TMEM63C: variants seen among roughly 807,000 people sequenced by gnomAD.
TMEM63C encodes osmosensitive cation channel TMEM63C.
Under a neutral mutation model 99.2 loss-of-function variants are expected in TMEM63C, and 32 were observed. That is an observed-to-expected ratio of 0.32 (90% CI 0.24 to 0.43). The LOEUF (loss-of-function observed/expected upper bound fraction) is 0.43. Ranked by LOEUF, TMEM63C falls within the 20% of genes least tolerant of loss-of-function variation. The pLI, the probability that TMEM63C is intolerant of heterozygous loss-of-function variation, is 1.00. For missense variants in TMEM63C, 826 were observed against 1,053.0 expected, an observed-to-expected ratio of 0.78 and a Z score of 2.98; for synonymous variants, 376 against 397.9, an observed-to-expected ratio of 0.94 and a Z score of 0.66.
chr14:77,245,611 G>T (rs1889257387), intron 16 of TMEM63C, among the ~76,000 whole-genome samples: 1 of 152,194 alleles, frequency 6.6e-6, no homozygotes, highest in Non-Finnish European at 1.5e-5. Context: ...ATGGTGGCAG[G>T]CAAGGAGGAG....
rs1889105353 is a variant in TMEM63C, at chr14:77,238,734, T to C, written c.692T>C (p.Ile231Thr). Residue 231 changes from isoleucine (I) to threonine (T), a missense_variant, in exon 10 of 24, where the codon ATT (isoleucine) becomes ACT (threonine). Physicochemically the swap from Ile to Thr is moderately conservative, Grantham distance 89. Transcript: ENST00000298351. ...TLMITYVPKDIEDPELIIKHF... is the reference protein window; with the variant it reads ...TLMITYVPKDTEDPELIIKHF... ...ATGATCACCTATGTGCCCAAGGACA[T>C]TGAAGACCCAGAACTCATCATTAAG... The C allele has an allele frequency of 3.7e-6, 6 of 1,613,976 alleles. No individual in the cohort carries two copies. The highest frequency in any genetic ancestry group is 5.1e-6 in the Non-Finnish European group (6 of 1,179,848).
chr14:77,187,175 CTG>C (rs78076993), intron 1 of TMEM63C, among the ~76,000 whole-genome samples: 20,958 of 152,196 alleles, frequency 0.14, 1,709 homozygotes, highest in African/African-American at 0.23. Flanking sequence ...AGAACCCAAA[CTG>C]GGGCCATGGC....
At chr14:77,238,318 C>T (rs960153789) in intron 9 of TMEM63C, among the ~76,000 whole-genome samples, 1 of 152,196 alleles carries the variant, frequency 6.6e-6, no homozygotes, top group African/African-American at 2.4e-5. Flanking sequence ...TGGGGTCGCT[C>T]TGGCAGCTCT....
rs1040489498 is a variant in TMEM63C at position 77,256,703 on chromosome 14, G to A, written c.2398G>A (p.Glu800Lys). ...SAQFQEGLEL[E>K]GQNQYH is the part of the protein sequence containing the mutation. ...CCAGTTCCAGGAAGGGCTGGAACTGGAGGGCCAGAACCAGTACCACTGACC... is the reference window on the plus strand; with the variant it reads ...CCAGTTCCAGGAAGGGCTGGAACTGAAGGGCCAGAACCAGTACCACTGACC... The change falls in exon 24 of 24, where the codon GAG becomes AAG. Residue 800 changes from glutamate to lysine, a missense_variant. Transcript: ENST00000298351. 2.1e-5 allele frequency: 34 copies of A among 1,613,826 alleles called. No individual in the cohort carries two copies. The highest frequency in any genetic ancestry group is 2.6e-5 in the Non-Finnish European group (31 of 1,179,870).
chr14:77,249,079 T>G (rs1291761272), intron 20 of TMEM63C, among the ~76,000 whole-genome samples: 2 of 151,982 alleles, frequency 1.3e-5, no homozygotes, highest in Non-Finnish European at 2.9e-5. Context: ...CATGAGAGAA[T>G]GACTCTTCAC....
At chr14:77,197,553 G>A (rs1023446250) in intron 1 of TMEM63C, among the ~76,000 whole-genome samples, 1 of 152,144 alleles carries the variant, frequency 6.6e-6, no homozygotes, top group Non-Finnish European at 1.5e-5. Context: ...GATTAACTAC[G>A]GTAATATCTG....
chr14:77,195,357 T>C (rs774642881), intron 1 of TMEM63C, among the ~76,000 whole-genome samples: 7 of 152,194 alleles, frequency 4.6e-5, no homozygotes, highest in Non-Finnish European at 8.8e-5. Flanking sequence ...CCTGTGATGC[T>C]GCTTTCAGGA....
chr14:77,233,863 T>C (rs1050406667), intron 8 of TMEM63C, among the ~76,000 whole-genome samples: 7 of 152,104 alleles, frequency 4.6e-5, no homozygotes, highest in Non-Finnish European at 8.8e-5. Flanking sequence ...CAGTCAGCCG[T>C]CATATACCCG....
chr14:77,194,332 A>ATGTGTG (rs1363601543), intron 1 of TMEM63C, among the ~76,000 whole-genome samples: 781 of 59,372 alleles, frequency 0.013, 9 homozygotes, highest in Non-Finnish European at 0.021. Flanking sequence ...ATAGATATAT[A>ATGTGTG]TATATGTGTG....
intron 1 of TMEM63C, among the ~76,000 whole-genome samples, chr14:77,207,382 T>C (rs1349945963): frequency 6.6e-6 from 1 of 152,188 alleles, no homozygotes; most frequent in Non-Finnish European, 1.5e-5. Flanking sequence ...ATTCATAAGA[T>C]GGGATAAAAA....
At chr14:77,194,545 C>CTTTTTTTCTT (rs748865272) in intron 1 of TMEM63C, among the ~76,000 whole-genome samples, 4 of 26,236 alleles carry the variant, frequency 1.5e-4, no homozygotes, top group African/African-American at 5.0e-4. Context: ...TTCTTTCTTT[C>CTTTTTTTCTT]TTTCTTTCTC....
intron 1 of TMEM63C, among the ~76,000 whole-genome samples, chr14:77,185,232 C>G (rs1566613806): frequency 1.3e-5 from 2 of 152,314 alleles, no homozygotes; most frequent in East Asian, 3.9e-4. Flanking sequence ...ATGGGAAGAG[C>G]TGGGCTGGAG....
At chr14:77,254,449 G>A (rs1223891382) in intron 23 of TMEM63C, among the ~76,000 whole-genome samples, 2 of 152,220 alleles carry the variant, frequency 1.3e-5, no homozygotes, top group Non-Finnish European at 2.9e-5. Context: ...CTTCCATAAT[G>A]AAGAGACCAC....
chr14:77,224,125 G>A (rs765694074), intron 5 of TMEM63C, among the ~76,000 whole-genome samples: 2 of 151,972 alleles, frequency 1.3e-5, no homozygotes, highest in Non-Finnish European at 2.9e-5. Flanking sequence ...GAACACCCTC[G>A]AGTGGCCATT....
chr14:77,198,801 C>T (rs2140095578), intron 1 of TMEM63C, among the ~76,000 whole-genome samples: 1 of 152,284 alleles, frequency 6.6e-6, no homozygotes, highest in East Asian at 1.9e-4. Context: ...AGAGATTTTT[C>T]CACTTGGAGG....
intron 20 of TMEM63C, 27 bp downstream of exon 20, chr14:77,248,899 G>T (rs1889311077): frequency 6.3e-7 from 1 of 1,576,786 alleles, no homozygotes; most frequent in Non-Finnish European, 8.7e-7. Flanking sequence ...GCATGCCCAA[G>T]GGCTGCACAT....
At chr14:77,189,155 G>C (rs1414913376) in intron 1 of TMEM63C, among the ~76,000 whole-genome samples, 2 of 151,420 alleles carry the variant, frequency 1.3e-5, no homozygotes, top group African/African-American at 2.4e-5. Context: ...TGTTGCCCAG[G>C]CTAGAGTGGA....
At position 77,250,915 on chromosome 14, in the gene TMEM63C, C is replaced by G. The variant is rs151037221; in HGVS notation, c.2039-874C>G. Among the ~76,000 whole-genome samples, 507 of 152,338 alleles carry G rather than the reference C, an allele frequency of 3.3e-3. 1 individual carries two copies. The highest frequency in any genetic ancestry group is 5.5e-3 in the Non-Finnish European group (371 of 68,036). Reference sequence around the variant, plus strand: ...AAAGACCAACATGTAAATGACCCATCATCTTACCCAGAACCTGATGTCTTT... The same window carrying G: ...AAAGACCAACATGTAAATGACCCATGATCTTACCCAGAACCTGATGTCTTT... On this transcript the variant is annotated intron_variant, in intron 21 of 23. Coordinates refer to ENST00000298351, the MANE Select transcript of TMEM63C (RefSeq NM_020431.4).
At chr14:77,220,727 G>A (rs915817606) in intron 5 of TMEM63C, among the ~76,000 whole-genome samples, 1 of 152,012 alleles carries the variant, frequency 6.6e-6, no homozygotes, top group Non-Finnish European at 1.5e-5. Context: ...AGATGGTCTC[G>A]GGTAGTGGTG....
Sources: gnomAD v4.1 joint callset for allele counts (sites outside exome capture counted in the v4.1 genomes callset) on GRCh38, gnomAD v4.1.1 for gene constraint, MANE v1.5 for transcripts, NCBI Gene and HGNC (gene_info 2026-07-23, HGNC 2026-07-21) for gene names.